Variants in PCDHA6 observed in about 807,000 individuals in gnomAD.
The protein encoded by PCDHA6 is protocadherin alpha-6.
In PCDHA6, 55 loss-of-function variants were observed where a neutral mutation model predicts 60.3. That is an observed-to-expected ratio of 0.91 (90% CI 0.73 to 1.14). The LOEUF (loss-of-function observed/expected upper bound fraction) is 1.14. PCDHA6 is among the 50% of genes most tolerant of loss of function. The pLI, the probability that PCDHA6 is intolerant of heterozygous loss-of-function variation, is 0.00. For missense variants in PCDHA6, 1,327 were observed against 1,256.5 expected (o/e 1.06, Z -0.85); for synonymous variants, 652 against 557.9 (o/e 1.17, Z -2.38).
chr5:140,832,937 G>A (rs1470692327), intron 1 of PCDHA6, among the ~76,000 whole-genome samples: 1 of 152,104 alleles, frequency 6.6e-6, no homozygotes, highest in African/African-American at 2.4e-5. Flanking sequence ...TGAGAAGAGA[G>A]TAACTTAAGT....
Position 140,830,376 on chromosome 5 carries a change from A to G in PCDHA6, c.2285A>G (p.Glu762Gly). 6.2e-7 allele frequency: 1 copy of G among 1,614,094 alleles called. No individual in the cohort carries two copies. The highest frequency in any genetic ancestry group is 1.1e-5 in the South Asian group (1 of 91,082). ...AGGCGGCAGAGGGTGTGCTCCGGGGAGGGCCCACCCAAGATGGATCTCATG... is the reference window on the plus strand; with the variant it reads ...AGGCGGCAGAGGGTGTGCTCCGGGGGGGGCCCACCCAAGATGGATCTCATG... Reference protein sequence around the residue: ...QQRRQRVCSGEGPPKMDLMAF... With the variant: ...QQRRQRVCSGGGPPKMDLMAF... Residue 762 changes from glutamate (E) to glycine (G), a missense_variant, in exon 1 of 4, where the codon GAG becomes GGG. Physicochemically the swap from Glu to Gly is moderately conservative, Grantham distance 98 (BLOSUM62 -2). Coordinates refer to ENST00000529310, the MANE Select transcript of PCDHA6 (RefSeq NM_018909.4).
At chr5:140,927,481 G>C in intron 1 of PCDHA6, 2 of 1,614,072 alleles carry the variant, frequency 1.2e-6, no homozygotes, top group Non-Finnish European at 1.7e-6. Context: ...CGAACAGCGC[G>C]CCACCCACCT....
chr5:140,891,589 C>T (rs1459113596), intron 1 of PCDHA6, among the ~76,000 whole-genome samples: 1 of 152,166 alleles, frequency 6.6e-6, no homozygotes, highest in East Asian at 1.9e-4. Context: ...TCTTATTACT[C>T]TATCCCATCT....
chr5:140,849,984 C>T (rs2150461471), intron 1 of PCDHA6: 2 of 1,597,296 alleles, frequency 1.3e-6, no homozygotes, highest in Non-Finnish European at 1.7e-6. Flanking sequence ...GCTGGTGGAG[C>T]GGCGGTTGGG....
At chr5:140,836,325 C>G in intron 1 of PCDHA6, 18 of 1,613,750 alleles carry the variant, frequency 1.1e-5, no homozygotes, top group Non-Finnish European at 1.4e-5. Context: ...CCACCGCCTT[C>G]TGGTGCTTGT....
intron 1 of PCDHA6, among the ~76,000 whole-genome samples, chr5:140,911,424 T>C (rs1180624921): frequency 6.6e-6 from 1 of 152,168 alleles, no homozygotes; most frequent in Non-Finnish European, 1.5e-5. Context: ...TAAGAACTTG[T>C]GTCCAATTTC....
chr5:140,927,740 G>A (rs782665573), intron 1 of PCDHA6: 5 of 1,614,206 alleles, frequency 3.1e-6, no homozygotes, highest in Middle Eastern at 1.6e-4. Context: ...CTGCGACACC[G>A]CTTTCACGTG....
At chr5:140,843,184 G>C in intron 1 of PCDHA6, 1 of 1,596,022 alleles carries the variant, frequency 6.3e-7, no homozygotes, top group Non-Finnish European at 8.6e-7. Flanking sequence ...CTCGCATCCC[G>C]TTCCGCGTGG....
chr5:140,883,414 T>C, intron 1 of PCDHA6: 1 of 1,614,170 alleles, frequency 6.2e-7, no homozygotes, highest in South Asian at 1.1e-5. Flanking sequence ...CTGGCTCAAA[T>C]GGACAGGTCA....
At chr5:140,846,397 C>T (rs1477353546) in intron 1 of PCDHA6, among the ~76,000 whole-genome samples, 11 of 101,188 alleles carry the variant, frequency 1.1e-4, no homozygotes, top group Non-Finnish European at 1.7e-4. Context: ...TTTTTTGAGA[C>T]GGAGTCTCGC....
rs1467294389 is a variant in PCDHA6 at position 140,851,714 on chromosome 5, C to T, written c.2394+21229C>T. ...TAAAATGATCAGCCATGTGAAGATT[C>T]GAAACTTCGAGTTCTTTTGAAATTC... On this transcript the variant is annotated intron_variant, in intron 1 of 3. Coordinates refer to ENST00000529310, the MANE Select transcript of PCDHA6 (RefSeq NM_018909.4). The T allele has an allele frequency of 2.3e-5, 22 of 961,800 alleles. 2 individuals are homozygous for T. The highest frequency in any genetic ancestry group is 9.6e-5 in the South Asian group (2 of 20,808). The allele number at this position is 961,800 out of a possible 1,614,324, so 59.6% of individuals were successfully genotyped here.
intron 1 of PCDHA6, among the ~76,000 whole-genome samples, chr5:140,921,440 G>A (rs1026829665): frequency 6.6e-6 from 1 of 152,056 alleles, no homozygotes; most frequent in Non-Finnish European, 1.5e-5. Flanking sequence ...CTTCAATGGT[G>A]TCTGAAAAGG....
chr5:140,928,801 G>T (rs1554206325), intron 1 of PCDHA6: 1 of 1,614,066 alleles, frequency 6.2e-7, no homozygotes, highest in African/African-American at 1.3e-5. Flanking sequence ...GGTGGTGGTA[G>T]TGGTTCGGGA....
At chr5:140,925,854 G>C (rs1333353083) in intron 1 of PCDHA6, among the ~76,000 whole-genome samples, 1 of 152,014 alleles carries the variant, frequency 6.6e-6, no homozygotes, top group African/African-American at 2.4e-5. Flanking sequence ...TGAGTTTCTA[G>C]TTATTGCTAT....
chr5:140,909,493 G>A (rs989826667), intron 1 of PCDHA6, among the ~76,000 whole-genome samples: 2 of 152,184 alleles, frequency 1.3e-5, no homozygotes, highest in African/African-American at 4.8e-5. Context: ...AGAGCTGAAC[G>A]GGGATGTGGT....
intron 1 of PCDHA6, among the ~76,000 whole-genome samples, chr5:140,905,419 C>T (rs2071826794): frequency 6.6e-6 from 1 of 152,158 alleles, no homozygotes; most frequent in South Asian, 2.1e-4. Flanking sequence ...CAGTACCATG[C>T]TGGTTTGATA....
chr5:140,889,409 A>C (rs1448554315), intron 1 of PCDHA6, among the ~76,000 whole-genome samples: 5 of 152,024 alleles, frequency 3.3e-5, no homozygotes, highest in African/African-American at 1.2e-4. Context: ...TACTCGAGTC[A>C]GTTACGTAGA....
rs2150170425 is a variant in PCDHA6, at chr5:140,829,574, G to A, written c.1483G>A (p.Val495Met). Residue 495 changes from valine to methionine, a missense_variant, in exon 1 of 4, where the codon GTG becomes ATG. Coordinates refer to ENST00000529310, the MANE Select transcript of PCDHA6 (RefSeq NM_018909.4). ...QENALVSYSL[V>M]ERRVGERALS... The stretch of plus-strand genomic sequence containing the variant: ...GAACGCGCTGGTGTCCTACTCGCTG[G>A]TGGAGCGGCGGGTGGGCGAGCGCGC... 4 of 1,612,448 alleles carry A rather than the reference G, an allele frequency of 2.5e-6. No homozygotes were observed. Among genetic ancestry groups the A allele is most frequent in the Non-Finnish European group, 3.4e-6 (4 of 1,179,804 alleles).
At chr5:141,007,706 C>T (rs1269578685) in intron 3 of PCDHA6, among the ~76,000 whole-genome samples, 1 of 152,218 alleles carries the variant, frequency 6.6e-6, no homozygotes, top group Non-Finnish European at 1.5e-5. Flanking sequence ...TCCTCTGCCT[C>T]CCACCACCAG....
Sources: allele counts gnomAD v4.1 joint callset (sites outside exome capture counted in the v4.1 genomes callset), GRCh38; gene constraint gnomAD v4.1.1; transcripts MANE v1.5; gene names NCBI Gene and HGNC (gene_info 2026-07-23, HGNC 2026-07-21).